IL6R: variants seen among roughly 807,000 people sequenced by gnomAD.
IL6R encodes interleukin 6 receptor.
In IL6R, 38 loss-of-function variants were observed where a neutral mutation model predicts 48.3. The ratio of observed to expected loss-of-function variants is 0.79; its 90% CI spans 0.61 to 1.03. The LOEUF is 1.03. Ranked by LOEUF, IL6R falls within the 50% of genes least tolerant of loss-of-function variation. IL6R has a pLI of 0.00. For missense variants in IL6R, 534 were observed against 618.3 expected (o/e 0.86, Z 1.45); for synonymous variants, 264 against 256.2 (o/e 1.03, Z -0.29).
intron 7 of IL6R, 62 bp from the exon 8 acceptor site, chr1:154,449,849 C>G (rs1001124235): frequency 3.8e-6 from 4 of 1,065,330 alleles, no homozygotes; most frequent in Non-Finnish European, 5.9e-6. Flanking sequence ...AACTCCTGAA[C>G]TGGTTCTGAA....
At chr1:154,448,038 G>C in intron 6 of IL6R, 87 bp from the exon 7 acceptor site, 1 of 1,105,286 alleles carries the variant, frequency 9.0e-7, no homozygotes, top group Non-Finnish European at 1.4e-6. Context: ...ACATTGAGAT[G>C]AACTTTTTTT....
chr1:154,454,469 A>AG lies in IL6R; in HGVS notation c.1067-19_1067-18insG. 6.6e-7 allele frequency: 1 copy of AG among 1,525,780 alleles called. No homozygotes were observed. The highest frequency in any genetic ancestry group is 9.1e-7 in the Non-Finnish European group (1 of 1,102,512). 94.5% of individuals were successfully genotyped at this position (1,525,780 alleles called of 1,614,324 possible). A position where few individuals can be genotyped will look rare whatever the true frequency, so the allele number is the denominator to read the frequency against. On this transcript the variant is annotated intron_variant, in intron 8 of 9. Transcript: ENST00000368485. Reference sequence around the variant, plus strand: ...ATTCTCCTCTTCCTCCTCTATCTTCAATTTTTTTTTTAACCTAGTGCAAGA... The same window carrying AG: ...ATTCTCCTCTTCCTCCTCTATCTTCAGATTTTTTTTTTAACCTAGTGCAAGA...
At chr1:154,448,986 C>T (rs1245724743) in intron 7 of IL6R, among the ~76,000 whole-genome samples, 1 of 143,176 alleles carries the variant, frequency 7.0e-6, no homozygotes, top group Non-Finnish European at 1.5e-5. Flanking sequence ...CTCCGTTTCC[C>T]GGGTTCACGC....
At chr1:154,430,423 A>G in intron 2 of IL6R, 60 bp from the exon 3 acceptor site, 1 of 1,591,458 alleles carries the variant, frequency 6.3e-7, no homozygotes, top group Non-Finnish European at 8.5e-7. Context: ...CCTGTCTGCG[A>G]GGTCAGTGCG....
chr1:154,455,645 G>A (rs567503783), intron 9 of IL6R, among the ~76,000 whole-genome samples: 22 of 150,858 alleles, frequency 1.5e-4, no homozygotes, highest in Non-Finnish European at 3.0e-4. Flanking sequence ...GTAGAGACAG[G>A]GTTTCACCGT....
chr1:154,421,721 G>A (rs1192165224), intron 1 of IL6R, among the ~76,000 whole-genome samples: 1 of 152,132 alleles, frequency 6.6e-6, no homozygotes, highest in Non-Finnish European at 1.5e-5. Flanking sequence ...CTGGGCTCAA[G>A]TGATCCTTCT....
At chr1:154,429,144 GC>G in intron 1 of IL6R, 51 bp from the exon 2 acceptor site, 1 of 1,576,794 alleles carries the variant, frequency 6.3e-7, no homozygotes, top group Non-Finnish European at 8.7e-7. Flanking sequence ...CCAGAACGAA[GC>G]CCCCTTCTTC....
At chr1:154,456,088 C>T in intron 9 of IL6R, among the ~76,000 whole-genome samples, 1 of 151,780 alleles carries the variant, frequency 6.6e-6, no homozygotes, top group East Asian at 2.0e-4. Context: ...ACTCTCAATG[C>T]AGTTTGGAGA....
At chr1:154,407,893 C>G (rs1189007575) in intron 1 of IL6R, among the ~76,000 whole-genome samples, 2 of 152,168 alleles carry the variant, frequency 1.3e-5, no homozygotes, top group East Asian at 3.9e-4. Flanking sequence ...CCTCTTCCTA[C>G]TGCAATGCAA....
chr1:154,454,288 A>C (rs952559234), intron 8 of IL6R, 200 bp from the exon 9 acceptor site: 1 of 591,566 alleles, frequency 1.7e-6, no homozygotes, highest in African/African-American at 1.9e-5. Context: ...AAACAAACAA[A>C]CAAACAAACA....
At chr1:154,442,211 A>G (rs1391591573) in intron 6 of IL6R, among the ~76,000 whole-genome samples, 2 of 152,130 alleles carry the variant, frequency 1.3e-5, no homozygotes, top group African/African-American at 2.4e-5. Context: ...TAGTATGTCT[A>G]ATACGTAATA....
chr1:154,447,506 T>C lies in IL6R; in HGVS notation c.950-619T>C, dbSNP rs192441295. 9.4e-3 allele frequency among the ~76,000 whole-genome samples: 627 copies of C among 66,996 alleles called. 18 individuals carry two copies. The highest frequency in any genetic ancestry group is 0.038 in the African/African-American group (494 of 12,900). The allele number at this position is 66,996 out of a possible 152,430, so 44.0% of individuals were successfully genotyped here. On this transcript the variant is annotated intron_variant, in intron 6 of 9. Transcript: ENST00000368485. ...ACACACACACACACACACACACATA[T>C]ATATATACACACATACATATATATA...
chr1:154,457,408 A>G (rs772762936), intron 9 of IL6R, among the ~76,000 whole-genome samples: 13 of 152,054 alleles, frequency 8.5e-5, no homozygotes, highest in Non-Finnish European at 1.5e-4. Context: ...CAAGGCGCCC[A>G]AGCAGGACCT....
chr1:154,438,433 G>A (rs769450459), intron 6 of IL6R, among the ~76,000 whole-genome samples: 4 of 151,884 alleles, frequency 2.6e-5, no homozygotes, highest in Admixed American at 1.3e-4. Context: ...TGGCTTCATG[G>A]CTCACTTTGG....
Position 154,434,680 on chromosome 1 carries a change from C to G in IL6R, c.620C>G (p.Thr207Ser), listed in dbSNP as rs754823574. Reference protein sequence around the residue: ...SVGSKFSKTQTFQGCGILQPD... With the variant: ...SVGSKFSKTQSFQGCGILQPD... ...GGGAGCAAGTTCAGCAAAACTCAAA[C>G]CTTTCAGGGTTGTGGAATCTGTACG... Residue 207 changes from threonine to serine, a missense_variant, in exon 4 of 10, where the codon ACC becomes AGC. By Grantham distance (58) the Thr-to-Ser change is moderately conservative. Transcript: ENST00000368485. 1 of 1,613,964 alleles carries G rather than the reference C, an allele frequency of 6.2e-7. No homozygotes were observed. Among genetic ancestry groups the G allele is most frequent in the African/African-American group, 1.3e-5 (1 of 74,930 alleles).
chr1:154,447,791 T>G (rs1236563181), intron 6 of IL6R, among the ~76,000 whole-genome samples: 1 of 151,934 alleles, frequency 6.6e-6, no homozygotes, highest in Admixed American at 6.6e-5. Context: ...CTCGGCTCAC[T>G]GCAACCTCCG....
chr1:154,413,554 A>G lies in IL6R; in HGVS notation c.85+7840A>G, dbSNP rs190243722. On this transcript the variant is annotated intron_variant, in intron 1 of 9. Coordinates refer to ENST00000368485, the MANE Select transcript of IL6R (RefSeq NM_000565.4). The stretch of plus-strand genomic sequence containing the variant: ...CCTATGCCCTTGCCAAAAGTGTACT[A>G]TTAACCTGGTATCTACACAGACAAT... Among the ~76,000 whole-genome samples the G allele has an allele frequency of 1.5e-3, 231 of 152,176 alleles. 1 individual carries two copies. The highest frequency in any genetic ancestry group is 5.3e-3 in the African/African-American group (221 of 41,516).
intron 9 of IL6R, among the ~76,000 whole-genome samples, chr1:154,457,825 T>C (rs1690977981): frequency 6.6e-6 from 1 of 152,196 alleles, no homozygotes; most frequent in South Asian, 2.1e-4. Context: ...GAGAGCTTTC[T>C]ACACGTTAGC....
chr1:154,430,639 G>T (rs1394939222), intron 3 of IL6R, 33 bp downstream of exon 3: 8 of 1,613,544 alleles, frequency 5.0e-6, no homozygotes, highest in Non-Finnish European at 5.1e-6. Context: ...TGTGCATGTT[G>T]GCTCCCTCCT....
Sources: gnomAD v4.1 joint callset for allele counts (sites outside exome capture counted in the v4.1 genomes callset) on GRCh38, gnomAD v4.1.1 for gene constraint, MANE v1.5 for transcripts, NCBI Gene and HGNC (gene_info 2026-07-23, HGNC 2026-07-21) for gene names.